PRDM13: variants seen among roughly 807,000 people sequenced by gnomAD.
The protein encoded by PRDM13 is PR/SET domain 13.
PRDM13 carries 15 observed loss-of-function variants against 36.4 expected under a neutral mutation model. The ratio of observed to expected loss-of-function variants is 0.41; its 90% CI spans 0.28 to 0.64. The LOEUF (loss-of-function observed/expected upper bound fraction) is 0.64, where lower values mean the gene tolerates loss of function less well. Among genes scored for constraint, PRDM13 ranks in the 30% least tolerant of loss-of-function variants. The probability of loss-of-function intolerance (pLI) is 0.29; values close to 1 mark genes in which losing one functional copy is unlikely to be tolerated. For synonymous variants in PRDM13, 531 were observed against 467.7 expected (o/e 1.14, Z -1.75); for missense variants, 1,044 against 1,013.5 (o/e 1.03, Z -0.41).
chr6:99,614,678 C>T lies in PRDM13; in HGVS notation c.2043C>T (p.Ser681=), dbSNP rs376710465. 2 of 1,611,460 alleles carry T rather than the reference C, an allele frequency of 1.2e-6. No individual in the cohort carries two copies. Among genetic ancestry groups the T allele is most frequent in the Non-Finnish European group, 1.7e-6 (2 of 1,179,248 alleles). ...CCCCGGAGCCTGGGGATCCCAAGAG[C>T]GACGACAGTGACGTGGACGTCTGCT... ...GYPPEPGDPK[S]DDSDVDVCFT... Residue 681 remains serine, a synonymous_variant, in exon 4 of 4, where the codon AGC becomes AGT. Transcript: ENST00000369215.
At position 99,614,073 on chromosome 6, in the gene PRDM13, T is replaced by C; in HGVS notation, c.1438T>C (p.Tyr480His). Reference protein sequence around the residue: ...LYGSPATTAYYPLKLHFGGLL... With the variant: ...LYGSPATTAYHPLKLHFGGLL... ...CGGCTCACCGGCCACCACCGCTTAT[T>C]ACCCGCTCAAATTGCACTTCGGCGG... is the stretch of plus-strand genomic sequence containing the variant. Residue 480 changes from tyrosine to histidine, a missense_variant, in exon 4 of 4, where the codon TAC (tyrosine) becomes CAC (histidine). Around this residue, in one of 3 missense-constraint regions of PRDM13, gnomAD observed 921 missense variants for 865.2 expected, o/e 1.06. Transcript: ENST00000369215. 1 of 1,604,180 alleles carries C rather than the reference T, an allele frequency of 6.2e-7. No homozygotes were observed. The highest frequency in any genetic ancestry group is 8.5e-7 in the Non-Finnish European group (1 of 1,176,184).
At chr6:99,607,784 G>C (rs565766840) in intron 1 of PRDM13, among the ~76,000 whole-genome samples, 2 of 152,314 alleles carry the variant, frequency 1.3e-5, no homozygotes, top group East Asian at 3.9e-4. Flanking sequence ...CCAAGGGCGA[G>C]GCGCGCCCAT....
At chr6:99,610,999 T>G (rs542265100) in intron 3 of PRDM13, among the ~76,000 whole-genome samples, 1 of 152,198 alleles carries the variant, frequency 6.6e-6, no homozygotes, top group Non-Finnish European at 1.5e-5. Flanking sequence ...TTGGAGAAGT[T>G]TGAACTCTTG....
intron 1 of PRDM13, 51 bp downstream of exon 1, chr6:99,607,229 G>A: frequency 1.9e-6 from 3 of 1,599,218 alleles, no homozygotes; most frequent in Non-Finnish European, 2.6e-6. Flanking sequence ...TCAGTGCCCT[G>A]ACCCGGGAAA....
rs1769959539 is a variant in PRDM13, at chr6:99,607,166, G to A, written c.132G>A (p.Gly44=). The A allele has an allele frequency of 6.2e-7, 1 of 1,613,656 alleles. No individual in the cohort carries two copies. Among genetic ancestry groups the A allele is most frequent in the African/African-American group, 1.3e-5 (1 of 74,904 alleles). The change falls in exon 1 of 4, where the codon GGG becomes GGA. Residue 44 remains glycine, a synonymous_variant. Coordinates refer to ENST00000369215, the MANE Select transcript of PRDM13 (RefSeq NM_021620.4). ...GKYLSDRREP[G]PKKKVRMVRG... is the part of the protein sequence containing the mutation. ...ACCTGTCAGACCGCAGGGAGCCCGG[G>A]CCTAAGAAAAAGGTATTGACCATTC...
intron 1 of PRDM13, among the ~76,000 whole-genome samples, chr6:99,607,492 A>AGAAGCCC (rs1280544926): frequency 6.6e-6 from 1 of 152,200 alleles, no homozygotes; most frequent in Non-Finnish European, 1.5e-5. Flanking sequence ...GTCAGAAGCC[A>AGAAGCCC]GAAGCCCACC....
In PRDM13 at chr6:99,606,932, G is replaced by A. The variant is rs1769953108; in HGVS notation, c.-103G>A. 7 of 1,395,752 alleles carry A rather than the reference G, an allele frequency of 5.0e-6. No individual in the cohort carries two copies. The highest frequency in any genetic ancestry group is 5.2e-4 in the Middle Eastern group (2 of 3,830). 86.5% of individuals were successfully genotyped at this position (1,395,752 alleles called of 1,614,324 possible). On this transcript the variant is annotated 5_prime_UTR_variant, in exon 1 of 4. Coordinates refer to ENST00000369215, the MANE Select transcript of PRDM13 (RefSeq NM_021620.4). Reference sequence around the variant, plus strand: ...GTCACTCCGCGGGCGGAGGACGCACGTCGGGGCGCGGCTCTCTGGCTAGCG... The same window carrying A: ...GTCACTCCGCGGGCGGAGGACGCACATCGGGGCGCGGCTCTCTGGCTAGCG...
Position 99,608,882 on chromosome 6 carries a change from G to A in PRDM13, c.276+10G>A, listed in dbSNP as rs1441970749. 2 of 1,608,348 alleles carry A rather than the reference G, an allele frequency of 1.2e-6. No homozygotes were observed. The highest frequency in any genetic ancestry group is 1.7e-6 in the Non-Finnish European group (2 of 1,177,162). On this transcript the variant is annotated intron_variant, in intron 2 of 3. Coordinates refer to ENST00000369215, the MANE Select transcript of PRDM13 (RefSeq NM_021620.4). Reference sequence around the variant, plus strand: ...CTTACCCGGAGGACAGGTACTGCGGGCTTCTCTCCACACCCCCCCACTCCC... The same window carrying A: ...CTTACCCGGAGGACAGGTACTGCGGACTTCTCTCCACACCCCCCCACTCCC...
At chr6:99,610,604 T>G (rs2114497907) in intron 3 of PRDM13, among the ~76,000 whole-genome samples, 1 of 152,356 alleles carries the variant, frequency 6.6e-6, no homozygotes, top group Non-Finnish European at 1.5e-5. Flanking sequence ...TCGTCCTCTG[T>G]AAGTTAATTC....
Position 99,607,120 on chromosome 6 carries a change from G to C in PRDM13, c.86G>C (p.Gly29Ala). ...PAGLRLGPVP[G>A]TFKLGKYLSD... Reference sequence around the variant, plus strand: ...GGCTTGCGCCTCGGACCGGTGCCTGGTACCTTCAAGCTGGGCAAGTACCTG... The same window carrying C: ...GGCTTGCGCCTCGGACCGGTGCCTGCTACCTTCAAGCTGGGCAAGTACCTG... The change falls in exon 1 of 4, where the codon GGT becomes GCT. Residue 29 changes from glycine (G) to alanine (A), a missense_variant. Around this residue, in one of 3 missense-constraint regions of PRDM13, gnomAD observed 921 missense variants for 865.2 expected, o/e 1.06. Transcript: ENST00000369215. The C allele has an allele frequency of 1.2e-6, 2 of 1,613,882 alleles. No individual in the cohort carries two copies. The highest frequency in any genetic ancestry group is 1.7e-6 in the Non-Finnish European group (2 of 1,180,020).
chr6:99,608,908 C>T (rs1212741443), intron 2 of PRDM13, 36 bp downstream of exon 2: 1 of 1,592,554 alleles, frequency 6.3e-7, no homozygotes, highest in South Asian at 1.1e-5. Context: ...CCCCACTCCC[C>T]ACCGCCAATT....
rs564481962 is a variant in PRDM13 at position 99,614,206 on chromosome 6, T to G, written c.1571T>G (p.Met524Arg). The change falls in exon 4 of 4, where the codon ATG becomes AGG. Residue 524 changes from methionine to arginine, a missense_variant. Met to Arg is a moderately conservative substitution (Grantham distance 91). Coordinates refer to ENST00000369215, the MANE Select transcript of PRDM13 (RefSeq NM_021620.4). ...SLASIDREIA[M>R]HNQQLSEMAA... ...GCCAGCATCGACCGAGAGATCGCCA[T>G]GCACAATCAGCAGCTGTCCGAGATG... 1.2e-6 allele frequency: 2 copies of G among 1,608,064 alleles called. No homozygotes were observed. Among genetic ancestry groups the G allele is most frequent in the African/African-American group, 1.3e-5 (1 of 74,998 alleles).
At position 99,613,640 on chromosome 6, in the gene PRDM13, G is replaced by A; in HGVS notation, c.1005G>A (p.Ala335=). 1 of 1,437,288 alleles carries A rather than the reference G, an allele frequency of 7.0e-7. No individual in the cohort carries two copies. Among genetic ancestry groups the A allele is most frequent in the Non-Finnish European group, 9.0e-7 (1 of 1,109,854 alleles). 89.0% of individuals were successfully genotyped at this position (1,437,288 alleles called of 1,614,324 possible). Residue 335 remains alanine (A), a synonymous_variant, in exon 4 of 4, where the codon GCG becomes GCA. Coordinates refer to ENST00000369215, the MANE Select transcript of PRDM13 (RefSeq NM_021620.4). The surrounding 1 kb of genome is among the most constrained non-coding windows in gnomAD (Gnocchi z 6.1). ...GCAGGCTGCTGGGCGGGGGCCGGGC[G>A]TGCGGGCGCCCCGGGAGCGGGGAGA... ...ALGRLLGGGR[A]CGRPGSGENS...
chr6:99,608,811 G>C lies in PRDM13; in HGVS notation c.215G>C (p.Arg72Pro). The C allele has an allele frequency of 6.2e-7, 1 of 1,613,842 alleles. No homozygotes were observed. Among genetic ancestry groups the C allele is most frequent in the Non-Finnish European group, 8.5e-7 (1 of 1,179,942 alleles). The change falls in exon 2 of 4, where the codon CGG becomes CCG. Residue 72 changes from arginine to proline, a missense_variant. Physicochemically the swap from Arg to Pro is moderately radical, Grantham distance 103. Transcript: ENST00000369215. ...CCTCTGGAGTGGATAGGGTTAATCC[G>C]GGCAGCCAGAAACTCCCAGGAACAG... ...GSPLEWIGLI[R>P]AARNSQEQTL...
intron 3 of PRDM13, among the ~76,000 whole-genome samples, chr6:99,612,321 G>A (rs1469516595): frequency 1.3e-5 from 2 of 152,090 alleles, no homozygotes; most frequent in Admixed American, 6.5e-5. Context: ...CAGGGCATAA[G>A]AATTTTTTCT....
rs1310245590 is a variant in PRDM13 at position 99,615,088 on chromosome 6, C to A, written c.*329C>A. On this transcript the variant is annotated 3_prime_UTR_variant, in exon 4 of 4. Transcript: ENST00000369215. ...GTGTTCAGAATCACATCAATGCGAA[C>A]GTCACAGCGCCTTCGAGGGCGCAGA... The A allele has an allele frequency of 5.7e-6, 2 of 348,244 alleles. No homozygotes were observed. Among genetic ancestry groups the A allele is most frequent in the East Asian group, 9.1e-5 (2 of 21,858 alleles). 21.6% of individuals were successfully genotyped at this position (348,244 alleles called of 1,614,324 possible).
chr6:99,614,855 A>C lies in PRDM13; in HGVS notation c.*96A>C. ...TCCTGGTGGTGGGAAGAGGGACCCA[A>C]TGGACAAAACCGTTTTTGTTTTTGA... On this transcript the variant is annotated 3_prime_UTR_variant, in exon 4 of 4. Coordinates refer to ENST00000369215, the MANE Select transcript of PRDM13 (RefSeq NM_021620.4). 6.8e-7 allele frequency: 1 copy of C among 1,461,102 alleles called. No homozygotes were observed. The highest frequency in any genetic ancestry group is 9.1e-7 in the Non-Finnish European group (1 of 1,096,564). 90.5% of individuals were successfully genotyped at this position (1,461,102 alleles called of 1,614,324 possible).
At chr6:99,609,332 G>T (rs751555828) in intron 3 of PRDM13, 25 bp downstream of exon 3, 3 of 1,612,828 alleles carry the variant, frequency 1.9e-6, no homozygotes, top group Non-Finnish European at 2.5e-6. Flanking sequence ...AGCGTGGATG[G>T]GCAAAAGTCC....
In PRDM13 at chr6:99,614,196, G is replaced by A. The variant is rs1362409672; in HGVS notation, c.1561G>A (p.Glu521Lys). Residue 521 changes from glutamate to lysine, a missense_variant, in exon 4 of 4, where the codon GAG becomes AAG. Coordinates refer to ENST00000369215, the MANE Select transcript of PRDM13 (RefSeq NM_021620.4). Reference protein sequence around the residue: ...ELGSLASIDREIAMHNQQLSE... With the variant: ...ELGSLASIDRKIAMHNQQLSE... Reference sequence around the variant, plus strand: ...GGGGTCGCTGGCCAGCATCGACCGAGAGATCGCCATGCACAATCAGCAGCT... The same window carrying A: ...GGGGTCGCTGGCCAGCATCGACCGAAAGATCGCCATGCACAATCAGCAGCT... 6.2e-7 allele frequency: 1 copy of A among 1,606,400 alleles called. No individual in the cohort carries two copies. Among genetic ancestry groups the A allele is most frequent in the Non-Finnish European group, 8.5e-7 (1 of 1,178,466 alleles).
Sources: allele counts gnomAD v4.1 joint callset (sites outside exome capture counted in the v4.1 genomes callset), GRCh38; gene constraint gnomAD v4.1.1; regional missense constraint gnomAD v4.1.1; non-coding constraint Gnocchi (gnomAD v3.1); transcripts MANE v1.5; gene names NCBI Gene and HGNC (gene_info 2026-07-23, HGNC 2026-07-21).